CNTNAP2: variants seen among roughly 807,000 people sequenced by gnomAD.
CNTNAP2 encodes contactin associated protein 2, also known as contactin-associated protein-like 2.
In CNTNAP2, 98 loss-of-function variants were observed where a neutral mutation model predicts 155.2. The observed-to-expected ratio is 0.63, with a 90% CI of 0.54 to 0.75. CNTNAP2 has a LOEUF of 0.75. CNTNAP2 is among the 30% of genes least tolerant of loss of function. The probability of loss-of-function intolerance (pLI) is 0.00; values close to 1 mark genes in which losing one functional copy is unlikely to be tolerated. For synonymous variants in CNTNAP2, 651 were observed against 631.2 expected, an observed-to-expected ratio of 1.03 and a Z score of -0.47; for missense variants, 1,727 against 1,688.1, an observed-to-expected ratio of 1.02 and a Z score of -0.40.
intron 18 of CNTNAP2, among the ~76,000 whole-genome samples, chr7:148,184,476 A>G (rs1449206789): frequency 6.6e-6 from 1 of 152,220 alleles, no homozygotes; most frequent in Non-Finnish European, 1.5e-5. Context: ...CCAGTAGCCA[A>G]TCTCACTTTC....
chr7:147,795,536 G>C (rs1797879638), intron 13 of CNTNAP2, among the ~76,000 whole-genome samples: 1 of 152,098 alleles, frequency 6.6e-6, no homozygotes, highest in African/African-American at 2.4e-5. Flanking sequence ...AGGAGAAGCA[G>C]AGAAGACATT....
At chr7:147,832,441 A>G (rs2116637508) in intron 13 of CNTNAP2, among the ~76,000 whole-genome samples, 1 of 146,410 alleles carries the variant, frequency 6.8e-6, no homozygotes, top group Admixed American at 6.9e-5. Flanking sequence ...CAAAGAGTCA[A>G]ACTCTACATG....
chr7:146,906,328 T>C (rs931853107), intron 3 of CNTNAP2, among the ~76,000 whole-genome samples: 2 of 152,184 alleles, frequency 1.3e-5, no homozygotes, highest in African/African-American at 4.8e-5. Flanking sequence ...GCTGCCTCTG[T>C]AGGCTCCACC....
intron 10 of CNTNAP2, among the ~76,000 whole-genome samples, chr7:147,448,440 A>G (rs2116563627): frequency 6.6e-6 from 1 of 151,270 alleles, no homozygotes; most frequent in African/African-American, 2.4e-5. Context: ...CTACATAAAC[A>G]TTAATCAGTG....
intron 13 of CNTNAP2, among the ~76,000 whole-genome samples, chr7:147,849,567 G>A (rs1723438): frequency 0.71 from 107,298 of 152,122 alleles, 38,107 homozygotes; most frequent in Middle Eastern, 0.81. Flanking sequence ...GATGAATCAC[G>A]TCTTTATTTT....
chr7:148,351,894 A>G (rs536972846), intron 21 of CNTNAP2, among the ~76,000 whole-genome samples: 1 of 152,240 alleles, frequency 6.6e-6, no homozygotes, highest in South Asian at 2.1e-4. Context: ...CTGTGCTACA[A>G]TCTGGCATTC....
intron 9 of CNTNAP2, among the ~76,000 whole-genome samples, chr7:147,325,789 A>G (rs1795443687): frequency 1.3e-5 from 2 of 152,200 alleles, no homozygotes; most frequent in Non-Finnish European, 2.9e-5. Flanking sequence ...CATTAGGTAC[A>G]TTTACCTTGT....
chr7:148,204,597 A>T (rs1795416903), intron 18 of CNTNAP2, among the ~76,000 whole-genome samples: 1 of 152,250 alleles, frequency 6.6e-6, no homozygotes, highest in South Asian at 2.1e-4. Context: ...CTTTTCTATT[A>T]AGATCTTTAC....
intron 17 of CNTNAP2, among the ~76,000 whole-genome samples, chr7:148,155,059 G>A (rs1406801229): frequency 6.6e-6 from 1 of 152,148 alleles, no homozygotes; most frequent in African/African-American, 2.4e-5. Flanking sequence ...AGACACCCCG[G>A]TGAACCCCAG....
chr7:146,506,882 G>C (rs1350651997), intron 1 of CNTNAP2, among the ~76,000 whole-genome samples: 1 of 152,270 alleles, frequency 6.6e-6, no homozygotes, highest in African/African-American at 2.4e-5. Flanking sequence ...GACCCATCCT[G>C]TCTACCATGC....
intron 1 of CNTNAP2, among the ~76,000 whole-genome samples, chr7:146,761,620 T>C (rs1802101895): frequency 6.6e-6 from 1 of 151,424 alleles, no homozygotes; most frequent in South Asian, 2.1e-4. Context: ...TGGAGTGCTC[T>C]TCTCTGTCAT....
At chr7:147,998,103 C>CT (rs71188938) in intron 15 of CNTNAP2, among the ~76,000 whole-genome samples, 2,294 of 75,854 alleles carry the variant, frequency 0.03, 219 homozygotes, top group East Asian at 0.17. Flanking sequence ...TTTCTTTTTT[C>CT]TTTTTTTTTT....
intron 9 of CNTNAP2, among the ~76,000 whole-genome samples, chr7:147,334,784 G>A (rs937890313): frequency 1.4e-4 from 22 of 152,086 alleles, no homozygotes; most frequent in African/African-American, 4.1e-4. Context: ...AAGCATGTTC[G>A]TGTGTGAAAA....
chr7:146,847,107 A>T (rs1803856872), intron 3 of CNTNAP2, among the ~76,000 whole-genome samples: 1 of 152,182 alleles, frequency 6.6e-6, no homozygotes, highest in African/African-American at 2.4e-5. Context: ...GAGGCTAAAT[A>T]ACTCCAAGTA....
chr7:147,044,741 T>C (rs1332274893), intron 4 of CNTNAP2, among the ~76,000 whole-genome samples: 1 of 152,152 alleles, frequency 6.6e-6, no homozygotes, highest in Non-Finnish European at 1.5e-5. Context: ...CAAATGGTAC[T>C]TGTTTTCTCC....
intron 15 of CNTNAP2, among the ~76,000 whole-genome samples, chr7:148,080,590 G>C (rs530351039): frequency 8.5e-4 from 112 of 131,248 alleles, no homozygotes; most frequent in African/African-American, 3.1e-3. Flanking sequence ...GGGCAACAGA[G>C]CAAGACTCCA....
chr7:147,634,935 C>T (rs1417282828), intron 12 of CNTNAP2, among the ~76,000 whole-genome samples: 3 of 152,070 alleles, frequency 2.0e-5, no homozygotes, highest in African/African-American at 7.2e-5. Context: ...TCAGTGGACT[C>T]TTTGTATACC....
intron 20 of CNTNAP2, among the ~76,000 whole-genome samples, chr7:148,230,221 C>G (rs186939217): frequency 2.0e-5 from 3 of 152,190 alleles, no homozygotes; most frequent in South Asian, 2.1e-4. Flanking sequence ...CTCTGCAGAG[C>G]CTTTGTCTTA....
chr7:146,289,586 G>A (rs1800396239), intron 1 of CNTNAP2, among the ~76,000 whole-genome samples: 1 of 152,140 alleles, frequency 6.6e-6, no homozygotes, highest in South Asian at 2.1e-4. Context: ...ACAGGTACAA[G>A]TCAAATTAAG....
Sources: gnomAD v4.1 joint callset for allele counts (sites outside exome capture counted in the v4.1 genomes callset) on GRCh38, gnomAD v4.1.1 for gene constraint, MANE v1.5 for transcripts, NCBI Gene and HGNC (gene_info 2026-07-23, HGNC 2026-07-21) for gene names.